The following CSMD1 variants were observed in gnomAD, a reference collection of about 807,000 sequenced individuals.
CSMD1 encodes the protein CUB and sushi domain-containing protein 1.
A neutral mutation model predicts 417.5 loss-of-function variants in CSMD1; 213 were observed. That is an observed-to-expected ratio of 0.51 (90% CI 0.46 to 0.57). The LOEUF (loss-of-function observed/expected upper bound fraction) is 0.57, where lower values mean the gene tolerates loss of function less well. Among genes scored for constraint, CSMD1 ranks in the 20% least tolerant of loss-of-function variants. The pLI is 0.00. For missense variants in CSMD1, 6,923 were observed against 4,529.7 expected (o/e 1.53, Z -15.17); for synonymous variants, 2,862 against 1,736.8 (o/e 1.65, Z -16.11).
chr8:4,664,061 C>T (rs372216609), intron 1 of CSMD1, among the ~76,000 whole-genome samples: 1 of 152,136 alleles, frequency 6.6e-6, no homozygotes, highest in South Asian at 2.1e-4. Context: ...CCTCTGTGAA[C>T]TGTGTGGGTT....
At chr8:3,728,054 A>G (rs912107316) in intron 6 of CSMD1, among the ~76,000 whole-genome samples, 9 of 152,194 alleles carry the variant, frequency 5.9e-5, no homozygotes, top group African/African-American at 2.2e-4. Context: ...TACATTTGAA[A>G]GGGTTTGGCT....
chr8:3,728,360 C>T (rs907807130), intron 6 of CSMD1, among the ~76,000 whole-genome samples: 36 of 152,260 alleles, frequency 2.4e-4, no homozygotes, highest in African/African-American at 8.2e-4. Context: ...CATTAAACCT[C>T]GTTCCTTTAT....
intron 3 of CSMD1, among the ~76,000 whole-genome samples, chr8:4,078,188 CTT>C (rs1274230831): frequency 6.6e-6 from 1 of 152,108 alleles, no homozygotes; most frequent in African/African-American, 2.4e-5. Context: ...ATTTTCAACT[CTT>C]TGCTGCATTT....
chr8:3,289,061 G>C (rs1017635631), intron 25 of CSMD1, among the ~76,000 whole-genome samples: 1 of 146,878 alleles, frequency 6.8e-6, no homozygotes, highest in African/African-American at 2.7e-5. Context: ...CCACCTATGA[G>C]GGAGAACATG....
chr8:4,693,921 G>T (rs1806947008), intron 1 of CSMD1, among the ~76,000 whole-genome samples: 1 of 141,300 alleles, frequency 7.1e-6, no homozygotes, highest in African/African-American at 2.7e-5. Context: ...ATTTTCAAAG[G>T]TCACAAATGG....
rs188994722 is a variant in CSMD1 at position 4,135,720 on chromosome 8, C to G, written c.416-103621G>C. On this transcript the variant is annotated intron_variant, in intron 3 of 69. Coordinates refer to ENST00000635120, the MANE Select transcript of CSMD1 (RefSeq NM_033225.6). ...ATATTATTATTGTAATAATATAATT[C>G]AGTCACCAATTTATCATTTAAAGAA... Among the ~76,000 whole-genome samples the G allele has an allele frequency of 4.6e-5, 7 of 152,118 alleles. No individual in the cohort carries two copies. The East Asian group carries it at 1.4e-3, about 29-fold the overall frequency.
At chr8:3,305,714 C>G (rs776448265) in intron 25 of CSMD1, among the ~76,000 whole-genome samples, 1 of 152,180 alleles carries the variant, frequency 6.6e-6, no homozygotes, top group East Asian at 1.9e-4. Context: ...CACAGTCTCA[C>G]TGTTGCCCAG....
At chr8:3,866,922 C>T (rs1805144284) in intron 5 of CSMD1, among the ~76,000 whole-genome samples, 1 of 152,156 alleles carries the variant, frequency 6.6e-6, no homozygotes, top group South Asian at 2.1e-4. Context: ...TGCCACTGGA[C>T]ATATGCATGT....
intron 3 of CSMD1, among the ~76,000 whole-genome samples, chr8:4,147,365 C>T (rs1804202221): frequency 6.6e-6 from 1 of 152,096 alleles, no homozygotes; most frequent in Non-Finnish European, 1.5e-5. Context: ...CCTCAGTCCT[C>T]AGTGGCTGTG....
At chr8:4,952,057 C>A (rs571447533) in intron 1 of CSMD1, among the ~76,000 whole-genome samples, 2 of 151,278 alleles carry the variant, frequency 1.3e-5, no homozygotes, top group Non-Finnish European at 2.9e-5. Flanking sequence ...ATATTTTACA[C>A]GTAATTGTAA....
At chr8:4,156,449 A>C (rs1584925319) in intron 3 of CSMD1, among the ~76,000 whole-genome samples, 1 of 152,158 alleles carries the variant, frequency 6.6e-6, no homozygotes, top group Non-Finnish European at 1.5e-5. Flanking sequence ...TAAATATGCT[A>C]TTGGTGCTAA....
chr8:3,426,024 TA>T (rs895351919), intron 12 of CSMD1, among the ~76,000 whole-genome samples: 4 of 152,086 alleles, frequency 2.6e-5, no homozygotes, highest in African/African-American at 7.2e-5. Context: ...AAGAATTATT[TA>T]AAAAAAATCT....
At chr8:4,899,946 T>C (rs531347756) in intron 1 of CSMD1, among the ~76,000 whole-genome samples, 1 of 152,326 alleles carries the variant, frequency 6.6e-6, no homozygotes, top group Non-Finnish European at 1.5e-5. Flanking sequence ...AGTAGGCCTT[T>C]AAGAAATAGT....
At chr8:4,270,706 T>G (rs1306688397) in intron 3 of CSMD1, among the ~76,000 whole-genome samples, 1 of 152,222 alleles carries the variant, frequency 6.6e-6, no homozygotes, top group African/African-American at 2.4e-5. Context: ...ATCCTTATTT[T>G]CATTTGTAAT....
At chr8:3,634,689 A>G (rs954746542) in intron 7 of CSMD1, among the ~76,000 whole-genome samples, 2 of 150,720 alleles carry the variant, frequency 1.3e-5, no homozygotes, top group African/African-American at 5.0e-5. Flanking sequence ...AATGAAATGA[A>G]AGGTGTGATT....
intron 5 of CSMD1, among the ~76,000 whole-genome samples, chr8:3,899,129 T>A (rs1221399663): frequency 6.6e-6 from 1 of 152,150 alleles, no homozygotes; most frequent in African/African-American, 2.4e-5. Flanking sequence ...GGCGCCATGT[T>A]AGGTAACAAG....
intron 1 of CSMD1, among the ~76,000 whole-genome samples, chr8:4,699,431 A>T (rs554403943): frequency 1.1e-4 from 16 of 152,182 alleles, no homozygotes; most frequent in Non-Finnish European, 1.9e-4. Flanking sequence ...TCTATTGTCA[A>T]GACCCAGGTT....
At chr8:3,163,527 G>A (rs1376311145) in intron 37 of CSMD1, among the ~76,000 whole-genome samples, 5 of 151,788 alleles carry the variant, frequency 3.3e-5, no homozygotes, top group East Asian at 1.9e-4. Flanking sequence ...CGGTCCCCAC[G>A]CGGGGCTCTG....
intron 9 of CSMD1, among the ~76,000 whole-genome samples, chr8:3,584,438 T>C (rs56842832): frequency 6.6e-6 from 1 of 152,152 alleles, no homozygotes; most frequent in Non-Finnish European, 1.5e-5. Flanking sequence ...CTTCTAATTA[T>C]CTCTAAGCGT....
Sources: gnomAD v4.1 joint callset for allele counts (sites outside exome capture counted in the v4.1 genomes callset) on GRCh38, gnomAD v4.1.1 for gene constraint, MANE v1.5 for transcripts, NCBI Gene and HGNC (gene_info 2026-07-23, HGNC 2026-07-21) for gene names.